DHRS4: variants seen among roughly 807,000 people sequenced by gnomAD.
DHRS4 encodes the protein dehydrogenase/reductase 4.
DHRS4 carries 20 observed loss-of-function variants against 28.4 expected under a neutral mutation model. The observed-to-expected ratio is 0.71, with a 90% CI of 0.50 to 1.02. DHRS4 has a LOEUF of 1.02. Ranked by LOEUF, DHRS4 falls within the 50% of genes least tolerant of loss-of-function variation. DHRS4 has a pLI of 0.00. For synonymous variants in DHRS4, 144 were observed against 146.4 expected, an observed-to-expected ratio of 0.98 and a Z score of 0.12; for missense variants, 378 against 367.2, an observed-to-expected ratio of 1.03 and a Z score of -0.24.
At chr14:23,954,031 G>C in intron 1 of DHRS4, 115 bp downstream of exon 1, 1 of 1,467,612 alleles carries the variant, frequency 6.8e-7, no homozygotes, top group African/African-American at 1.4e-5. Flanking sequence ...CCAAAGTCTG[G>C]CCCTGGAAAA....
intron 2 of DHRS4, among the ~76,000 whole-genome samples, chr14:23,957,140 T>C (rs2033209315): frequency 6.6e-6 from 1 of 152,108 alleles, no homozygotes; most frequent in African/African-American, 2.4e-5. Context: ...GCGGTGGGAC[T>C]GGAATAGATG....
rs545290544 is a variant in DHRS4 at position 23,956,517 on chromosome 14, G to T, written c.306+1305G>T. Among the ~76,000 whole-genome samples the T allele has an allele frequency of 1.0e-3, 158 of 152,122 alleles. 1 individual carries two copies. Among genetic ancestry groups the T allele is most frequent in the South Asian group, 5.2e-3 (25 of 4,812 alleles). The stretch of plus-strand genomic sequence containing the variant: ...GAAGGAAACAGAGGAGCACTGTCAG[G>T]CCACAGTGGAGAGCACAGGCTCAGG... On this transcript the variant is annotated intron_variant, in intron 2 of 7. Transcript: ENST00000313250.
At chr14:23,955,973 C>G (rs1435366583) in intron 2 of DHRS4, among the ~76,000 whole-genome samples, 1 of 152,142 alleles carries the variant, frequency 6.6e-6, no homozygotes, top group East Asian at 1.9e-4. Flanking sequence ...GGAGAATCTA[C>G]CCAAAAATGG....
Position 23,965,851 on chromosome 14 carries a change from A to C in DHRS4, c.479+19A>C, listed in dbSNP as rs2033593589. 1.2e-6 allele frequency: 2 copies of C among 1,606,858 alleles called. No homozygotes were observed. The highest frequency in any genetic ancestry group is 1.7e-6 in the Non-Finnish European group (2 of 1,176,238). ...AACGAGGGTACAGAGAGTGAGAGAG[A>C]GCCTGGGTGAGAGGGGACACCACAC... On this transcript the variant is annotated intron_variant, in intron 4 of 7. Transcript: ENST00000313250.
intron 5 of DHRS4, 77 bp downstream of exon 5, chr14:23,966,060 G>T (rs1412928719): frequency 2.5e-6 from 4 of 1,607,076 alleles, no homozygotes; most frequent in Admixed American, 1.7e-5. Flanking sequence ...ACCCAAGGAA[G>T]TTTGTGTCCC....
At chr14:23,961,138 C>A (rs1174643487) in intron 3 of DHRS4, among the ~76,000 whole-genome samples, 1 of 151,398 alleles carries the variant, frequency 6.6e-6, no homozygotes, top group Non-Finnish European at 1.5e-5. Context: ...CAACATGGGA[C>A]TTAGAGGGGA....
rs1423225144 is a variant in DHRS4, at chr14:23,965,763, C to A, written c.410C>A (p.Thr137Asn). Residue 137 changes from threonine to asparagine, a missense_variant and splice_region_variant, in exon 4 of 8, where the codon ACT becomes AAT. Thr to Asn is a moderately conservative substitution (Grantham distance 65, BLOSUM62 0). Coordinates refer to ENST00000313250, the MANE Select transcript of DHRS4 (RefSeq NM_021004.4). ...MDVTEEVWDK[T>N]LDINVKAPAL... ...TTCCCCTTCTTCTCTTGGCTTCAGA[C>A]TCTGGACATTAATGTGAAGGCCCCA... The A allele has an allele frequency of 1.9e-6, 3 of 1,601,210 alleles. No homozygotes were observed. In the East Asian group the frequency reaches 6.8e-5, roughly 36 times the overall value.
intron 3 of DHRS4, among the ~76,000 whole-genome samples, chr14:23,960,628 T>G (rs1327823334): frequency 7.2e-6 from 1 of 139,392 alleles, no homozygotes; most frequent in Non-Finnish European, 1.5e-5. Context: ...CGTAATATAT[T>G]TCACACACAC....
chr14:23,957,562 T>TA (rs1318295406), intron 2 of DHRS4, among the ~76,000 whole-genome samples: 1 of 151,822 alleles, frequency 6.6e-6, no homozygotes, highest in Non-Finnish European at 1.5e-5. Context: ...CTTTCCTTTT[T>TA]TTTTTTTTTC....
At chr14:23,957,702 A>C (rs2033232711) in intron 2 of DHRS4, among the ~76,000 whole-genome samples, 2 of 149,046 alleles carry the variant, frequency 1.3e-5, no homozygotes, top group African/African-American at 2.5e-5. Flanking sequence ...AACTATAGGC[A>C]TGCACCACCA....
At chr14:23,968,666 T>C in intron 7 of DHRS4, 91 bp from the exon 8 acceptor site, 1 of 1,553,796 alleles carries the variant, frequency 6.4e-7, no homozygotes, top group Non-Finnish European at 8.7e-7. Flanking sequence ...CTGATAATTC[T>C]TGATTAAGCA....
chr14:23,954,112 C>A, intron 1 of DHRS4, 196 bp downstream of exon 1: 2 of 804,836 alleles, frequency 2.5e-6, no homozygotes, highest in Non-Finnish European at 1.9e-6. Flanking sequence ...GCCAGCCCTC[C>A]TGTCCCTGCT....
At chr14:23,957,190 C>T (rs1309340180) in intron 2 of DHRS4, among the ~76,000 whole-genome samples, 1 of 152,168 alleles carries the variant, frequency 6.6e-6, no homozygotes, top group African/African-American at 2.4e-5. Context: ...CAAGATTTTC[C>T]AACCCCATGT....
At chr14:23,964,290 A>G (rs939087269) in intron 3 of DHRS4, among the ~76,000 whole-genome samples, 3 of 144,636 alleles carry the variant, frequency 2.1e-5, no homozygotes, top group Non-Finnish European at 4.5e-5. Flanking sequence ...ATATGTGTCT[A>G]TAACTTTTCT....
chr14:23,964,202 C>T (rs2033521680), intron 3 of DHRS4, among the ~76,000 whole-genome samples: 1 of 92,460 alleles, frequency 1.1e-5, no homozygotes, highest in Non-Finnish European at 2.0e-5. Flanking sequence ...TGCAGGGTTG[C>T]CACGAAACTG....
At chr14:23,955,922 C>T (rs1351262962) in intron 2 of DHRS4, among the ~76,000 whole-genome samples, 1 of 152,244 alleles carries the variant, frequency 6.6e-6, no homozygotes, top group Non-Finnish European at 1.5e-5. Flanking sequence ...CTCCTCTTCC[C>T]TTGAGGCTCA....
intron 3 of DHRS4, among the ~76,000 whole-genome samples, chr14:23,962,344 C>CCACA: frequency 7.6e-6 from 1 of 130,744 alleles, no homozygotes; most frequent in Admixed American, 8.1e-5. Flanking sequence ...TAGCATTTAC[C>CCACA]CACAGTAGAA....
intron 3 of DHRS4, among the ~76,000 whole-genome samples, chr14:23,963,674 A>G (rs896030082): frequency 1.5e-4 from 22 of 147,270 alleles, no homozygotes; most frequent in Non-Finnish European, 2.7e-4. Flanking sequence ...CTTATCATTT[A>G]TATGTTCAGA....
In DHRS4 at chr14:23,953,801, G is replaced by T. The variant is rs1043437; in HGVS notation, c.13G>T (p.Gly5Trp). 3 of 1,614,082 alleles carry T rather than the reference G, an allele frequency of 1.9e-6. No homozygotes were observed. The South Asian group carries it at 3.3e-5, about 18-fold the overall frequency. ...GCTGGTCTGATCCATGCACAAGGCGGGGCTGCTAGGCCTCTGTGCCCGGGC... is the reference window on the plus strand; with the variant it reads ...GCTGGTCTGATCCATGCACAAGGCGTGGCTGCTAGGCCTCTGTGCCCGGGC... MHKA[G>W]LLGLCARAWN... The change falls in exon 1 of 8, where the codon GGG becomes TGG. Residue 5 changes from glycine to tryptophan, a missense_variant. By Grantham distance (184) the Gly-to-Trp change is radical. Transcript: ENST00000313250.
Sources: gnomAD v4.1 joint callset for allele counts (sites outside exome capture counted in the v4.1 genomes callset) on GRCh38, gnomAD v4.1.1 for gene constraint, MANE v1.5 for transcripts, NCBI Gene and HGNC (gene_info 2026-07-23, HGNC 2026-07-21) for gene names.